The following ZFR variants were observed in gnomAD, a reference collection of about 807,000 sequenced individuals.
ZFR encodes the protein zinc finger RNA binding protein.
ZFR carries 19 observed loss-of-function variants against 130.7 expected under a neutral mutation model. The ratio of observed to expected loss-of-function variants is 0.15; its 90% confidence interval spans 0.10 to 0.21. The LOEUF is 0.21. ZFR is among the 10% of genes least tolerant of loss of function. The pLI is 1.00. For missense variants in ZFR, 872 were observed against 1,321.5 expected (o/e 0.66, Z 5.27); for synonymous variants, 466 against 456.9 (o/e 1.02, Z -0.25).
intron 17 of ZFR, among the ~76,000 whole-genome samples, chr5:32,371,864 A>G (rs1446279157): frequency 4.3e-5 from 6 of 140,972 alleles, no homozygotes; most frequent in East Asian, 2.0e-4. Flanking sequence ...AGAGGTAGGG[A>G]AAAAAAAAAA....
intron 17 of ZFR, among the ~76,000 whole-genome samples, chr5:32,370,441 C>T (rs1056392025): frequency 6.6e-6 from 1 of 151,836 alleles, no homozygotes; most frequent in Admixed American, 6.6e-5. Flanking sequence ...GGTGCAATCA[C>T]AGCTCACTGC....
intron 5 of ZFR, among the ~76,000 whole-genome samples, chr5:32,411,123 TC>T (rs1753695414): frequency 6.6e-6 from 1 of 152,204 alleles, no homozygotes; most frequent in Non-Finnish European, 1.5e-5. Flanking sequence ...TTATAAGAAA[TC>T]ATGGCTCCTG....
chr5:32,379,913 G>C, intron 16 of ZFR, 162 bp downstream of exon 16: 1 of 545,980 alleles, frequency 1.8e-6, no homozygotes, highest in Non-Finnish European at 3.2e-6. Flanking sequence ...GCAATATGCA[G>C]ATCATCATAC....
At chr5:32,409,595 G>C (rs778607891) in intron 5 of ZFR, among the ~76,000 whole-genome samples, 3 of 151,930 alleles carry the variant, frequency 2.0e-5, no homozygotes, top group Non-Finnish European at 4.4e-5. Context: ...TAGTAGAGAC[G>C]GGGTTTTACC....
chr5:32,440,652 CAA>C (rs1249023752), intron 2 of ZFR, among the ~76,000 whole-genome samples: 1 of 108,972 alleles, frequency 9.2e-6, no homozygotes, highest in Non-Finnish European at 2.0e-5. Flanking sequence ...GTCTCAAAAA[CAA>C]AAAAAAAAAC....
chr5:32,444,404 G>A, intron 1 of ZFR, 76 bp from the exon 2 acceptor site: 1 of 1,477,946 alleles, frequency 6.8e-7, no homozygotes, highest in Non-Finnish European at 9.1e-7. Flanking sequence ...AGGGAGGGCA[G>A]GGAGAGAAAG....
At chr5:32,386,503 G>A (rs1753049260) in intron 14 of ZFR, among the ~76,000 whole-genome samples, 1 of 152,020 alleles carries the variant, frequency 6.6e-6, no homozygotes, top group East Asian at 1.9e-4. Context: ...CCACAATTAG[G>A]ATCAAGATGT....
At chr5:32,436,439 C>T (rs1020164869) in intron 2 of ZFR, among the ~76,000 whole-genome samples, 19 of 152,068 alleles carry the variant, frequency 1.2e-4, no homozygotes. Flanking sequence ...GCGTGAGCCA[C>T]CGTGCCTGGC....
chr5:32,400,659 T>A (rs964232326), intron 8 of ZFR, among the ~76,000 whole-genome samples: 1 of 152,168 alleles, frequency 6.6e-6, no homozygotes, highest in Non-Finnish European at 1.5e-5. Context: ...GCCTAGAAGT[T>A]TGAGACCAGC....
At chr5:32,373,430 C>T (rs1326365953) in intron 17 of ZFR, among the ~76,000 whole-genome samples, 3 of 152,100 alleles carry the variant, frequency 2.0e-5, no homozygotes, top group South Asian at 4.1e-4. Flanking sequence ...CTCAAAACTA[C>T]TGTTGGTTTA....
At chr5:32,386,348 A>T (rs570846145) in intron 14 of ZFR, among the ~76,000 whole-genome samples, 1 of 152,266 alleles carries the variant, frequency 6.6e-6, no homozygotes, top group South Asian at 2.1e-4. Flanking sequence ...AGCACTTACT[A>T]TAGTATAAAT....
chr5:32,443,049 C>CAA (rs565038328), intron 2 of ZFR, among the ~76,000 whole-genome samples: 20 of 143,974 alleles, frequency 1.4e-4, no homozygotes, highest in African/African-American at 5.1e-4. Flanking sequence ...ATTATTTATT[C>CAA]AAAAAAAAAA....
Position 32,354,514 on chromosome 5 carries a change from T to C in ZFR, c.*1246A>G, listed in dbSNP as rs1363821557. On this transcript the variant is annotated 3_prime_UTR_variant, in exon 20 of 20. Coordinates refer to ENST00000265069, the MANE Select transcript of ZFR (RefSeq NM_016107.5). ...AAAATGACATCTGTGTACCAGAGCA[T>C]ACATATATCAACAGTAAGATGTAAT... The C allele has an allele frequency of 6.6e-6, 1 of 152,668 alleles. No individual in the cohort carries two copies. The highest frequency in any genetic ancestry group is 1.5e-5 in the Non-Finnish European group (1 of 68,030). The allele number at this position is 152,668 out of a possible 1,614,324, so 9.5% of individuals were successfully genotyped here. A position where few individuals can be genotyped will look rare whatever the true frequency, so the allele number is the denominator to read the frequency against.
chr5:32,357,097 C>T (rs1258348600), intron 19 of ZFR, among the ~76,000 whole-genome samples: 2 of 151,906 alleles, frequency 1.3e-5, no homozygotes, highest in Non-Finnish European at 2.9e-5. Context: ...TCAGATCTCA[C>T]TCAGCCTCCC....
intron 17 of ZFR, among the ~76,000 whole-genome samples, chr5:32,378,880 G>A: frequency 6.7e-6 from 1 of 149,208 alleles, no homozygotes; most frequent in African/African-American, 2.5e-5. Flanking sequence ...AAAAAACACT[G>A]TGAAAACAGC....
At chr5:32,436,341 C>T (rs1373218432) in intron 2 of ZFR, among the ~76,000 whole-genome samples, 3 of 151,492 alleles carry the variant, frequency 2.0e-5, no homozygotes, top group Admixed American at 1.3e-4. Flanking sequence ...TTAGTAGACA[C>T]GTGGTTTCAC....
intron 2 of ZFR, among the ~76,000 whole-genome samples, chr5:32,441,556 T>C (rs575984823): frequency 2.0e-5 from 3 of 151,362 alleles, no homozygotes; most frequent in African/African-American, 4.9e-5. Flanking sequence ...AGGCGTGAAC[T>C]GTACTTAAGA....
chr5:32,396,969 C>T (rs559906946), intron 10 of ZFR, among the ~76,000 whole-genome samples: 2 of 152,210 alleles, frequency 1.3e-5, no homozygotes, highest in East Asian at 3.9e-4. Flanking sequence ...ATTGCTTGGT[C>T]CAGGCAATGC....
intron 11 of ZFR, among the ~76,000 whole-genome samples, chr5:32,392,950 G>A (rs563294413): frequency 1.3e-5 from 2 of 152,232 alleles, no homozygotes; most frequent in African/African-American, 2.4e-5. Flanking sequence ...AGCCAAGATC[G>A]TGCCATTGCA....
Sources: gnomAD v4.1 joint callset for allele counts (sites outside exome capture counted in the v4.1 genomes callset) on GRCh38, gnomAD v4.1.1 for gene constraint, MANE v1.5 for transcripts, NCBI Gene and HGNC (gene_info 2026-07-23, HGNC 2026-07-21) for gene names.